PCDHGB6: variants seen among roughly 807,000 people sequenced by gnomAD.
PCDHGB6 encodes protocadherin gamma-B6.
In PCDHGB6, 51 loss-of-function variants were observed where a neutral mutation model predicts 59.1. The observed-to-expected ratio is 0.86, with a 90% CI of 0.69 to 1.09. PCDHGB6 has a LOEUF of 1.09. Ranked by LOEUF, PCDHGB6 falls within the 50% of genes least tolerant of loss-of-function variation. The probability of loss-of-function intolerance (pLI) is 0.00; values close to 1 mark genes in which losing one functional copy is unlikely to be tolerated. For missense variants in PCDHGB6, 1,148 were observed against 1,205.1 expected (o/e 0.95, Z 0.70); for synonymous variants, 466 against 495.1 (o/e 0.94, Z 0.78).
rs577239742 is a variant in PCDHGB6 at position 141,501,564 on chromosome 5, T to C, written c.2478-3829T>C. ...CATAAGATCATAGGCCCTGGAATCA[T>C]ATTAGGCTGGCTTTCAGGTTGCAAC... On this transcript the variant is annotated intron_variant, in intron 2 of 3. Coordinates refer to ENST00000520790, the MANE Select transcript of PCDHGB6 (RefSeq NM_018926.3). 5.9e-5 allele frequency among the ~76,000 whole-genome samples: 9 copies of C among 152,194 alleles called. No individual in the cohort carries two copies. The South Asian group carries it at 1.7e-3, about 28-fold the overall frequency.
At chr5:141,418,163 T>G in intron 1 of PCDHGB6, 1 of 1,614,002 alleles carries the variant, frequency 6.2e-7, no homozygotes, top group Non-Finnish European at 8.5e-7. Context: ...GAGAAGAAGA[T>G]GTGAGTTGCA....
intron 1 of PCDHGB6, chr5:141,413,694 C>T: frequency 6.2e-7 from 1 of 1,613,800 alleles, no homozygotes; most frequent in Non-Finnish European, 8.5e-7. Context: ...CCCTGCAGAG[C>T]TATCAGCTCA....
intron 1 of PCDHGB6, among the ~76,000 whole-genome samples, chr5:141,481,647 A>G (rs749515062): frequency 1.6e-4 from 25 of 151,712 alleles, no homozygotes; most frequent in Non-Finnish European, 2.8e-4. Flanking sequence ...GTGAAACTTC[A>G]TCTCTACTAA....
intron 1 of PCDHGB6, chr5:141,418,096 G>A (rs772001018): frequency 6.2e-7 from 1 of 1,614,078 alleles, no homozygotes; most frequent in East Asian, 2.2e-5. Context: ...GCGTAGACGC[G>A]CAGAGCGGGG....
chr5:141,458,509 CTTTGT>C (rs1181745590), intron 1 of PCDHGB6, among the ~76,000 whole-genome samples: 1 of 149,986 alleles, frequency 6.7e-6, no homozygotes, highest in Non-Finnish European at 1.5e-5. Context: ...CTGTTTGACA[CTTTGT>C]TTTTTTTTTT....
chr5:141,458,612 C>T (rs1381385841), intron 1 of PCDHGB6, among the ~76,000 whole-genome samples: 1 of 152,084 alleles, frequency 6.6e-6, no homozygotes, highest in Non-Finnish European at 1.5e-5. Flanking sequence ...CTCTGTCAGC[C>T]AGGCTGGAGT....
intron 3 of PCDHGB6, chr5:141,508,275 T>G (rs1030431371): frequency 6.6e-6 from 1 of 152,138 alleles, no homozygotes. Context: ...ATCCCGGTCC[T>G]TGACCAAGGT....
chr5:141,421,880 G>A (rs761272704), intron 1 of PCDHGB6: 3 of 1,613,600 alleles, frequency 1.9e-6, no homozygotes, highest in East Asian at 4.5e-5. Flanking sequence ...GCTTTAGATG[G>A]AGGCGATCCC....
In PCDHGB6 at chr5:141,409,578, T is replaced by A; in HGVS notation, c.1376T>A (p.Val459Asp). The change falls in exon 1 of 4, where the codon GTC becomes GAC. Residue 459 changes from valine (V) to aspartate (D), a missense_variant. By Grantham distance (152) the Val-to-Asp change is radical. Coordinates refer to ENST00000520790, the MANE Select transcript of PCDHGB6 (RefSeq NM_018926.3). ...APVFDQTSYV[V>D]HVAENNPPGA... is the part of the protein sequence containing the mutation. ...GTTTTCGACCAGACGTCCTACGTGG[T>A]CCACGTGGCCGAGAACAACCCGCCA... is the stretch of plus-strand genomic sequence containing the variant. The A allele has an allele frequency of 6.2e-7, 1 of 1,613,942 alleles. No homozygotes were observed.
At chr5:141,465,779 G>A (rs1199779963) in intron 1 of PCDHGB6, among the ~76,000 whole-genome samples, 2 of 145,170 alleles carry the variant, frequency 1.4e-5, no homozygotes, top group African/African-American at 5.0e-5. Flanking sequence ...TCTTGTTACA[G>A]TTTTTTTTTT....
At chr5:141,423,167 T>C in intron 1 of PCDHGB6, 1 of 1,613,424 alleles carries the variant, frequency 6.2e-7, no homozygotes, top group Non-Finnish European at 8.5e-7. Context: ...GTGGTGGCCG[T>C]CCAGGACCAC....
chr5:141,503,910 G>A (rs1311674998), intron 2 of PCDHGB6, among the ~76,000 whole-genome samples: 1 of 152,062 alleles, frequency 6.6e-6, no homozygotes, highest in Admixed American at 6.6e-5. Flanking sequence ...CACACACAAC[G>A]CAACACACAC....
intron 1 of PCDHGB6, chr5:141,441,751 A>G (rs946329290): frequency 5.3e-6 from 2 of 378,094 alleles, no homozygotes; most frequent in African/African-American, 2.2e-5. Flanking sequence ...CTCGGCGTCA[A>G]CGTGAGCCTG....
chr5:141,503,181 A>C (rs532503504), intron 2 of PCDHGB6, among the ~76,000 whole-genome samples: 54 of 152,060 alleles, frequency 3.6e-4, no homozygotes, highest in African/African-American at 1.3e-3. Context: ...TCTATTGTGT[A>C]ATTATTTAAA....
Position 141,485,605 on chromosome 5 carries a change from G to A in PCDHGB6, c.2419-9202G>A. On this transcript the variant is annotated intron_variant, in intron 1 of 3. Transcript: ENST00000520790. This position sits in a 1 kb window ranked among gnomAD's most constrained non-coding sequence, Gnocchi z 5.7. The stretch of plus-strand genomic sequence containing the variant: ...AGCAGCTGGACTTGGAAATTGGGGA[G>A]GCAGCTCCTCCAGGACAGCGTTTCC... 6.2e-7 allele frequency: 1 copy of A among 1,612,448 alleles called. No homozygotes were observed. Among genetic ancestry groups the A allele is most frequent in the Non-Finnish European group, 8.5e-7 (1 of 1,178,750 alleles).
intron 1 of PCDHGB6, among the ~76,000 whole-genome samples, chr5:141,464,827 C>T (rs529757361): frequency 1.5e-4 from 23 of 152,246 alleles, no homozygotes; most frequent in African/African-American, 4.6e-4. Flanking sequence ...TAGCCTCGCA[C>T]TCCTGGGCTC....
chr5:141,422,901 C>T (rs768086403), intron 1 of PCDHGB6: 5 of 1,614,276 alleles, frequency 3.1e-6, no homozygotes, highest in Non-Finnish European at 4.2e-6. Context: ...ACCAGAACGA[C>T]AATGCGCCCG....
intron 1 of PCDHGB6, among the ~76,000 whole-genome samples, chr5:141,434,192 A>G (rs2097676888): frequency 6.6e-6 from 1 of 152,194 alleles, no homozygotes; most frequent in Non-Finnish European, 1.5e-5. Context: ...TGTAATTCCA[A>G]TGTACTTACT....
At chr5:141,418,149 AAG>A (rs768024698) in intron 1 of PCDHGB6, 1 of 1,613,982 alleles carries the variant, frequency 6.2e-7, no homozygotes, top group Non-Finnish European at 8.5e-7. Flanking sequence ...CAAATATGCA[AAG>A]AGAGAAGAAG....
Sources: gnomAD v4.1 joint callset for allele counts (sites outside exome capture counted in the v4.1 genomes callset) on GRCh38, gnomAD v4.1.1 for gene constraint, Gnocchi (gnomAD v3.1) non-coding constraint, MANE v1.5 for transcripts, NCBI Gene and HGNC (gene_info 2026-07-23, HGNC 2026-07-21) for gene names.